LRP2: variants seen among roughly 807,000 people sequenced by gnomAD.
The protein encoded by LRP2 is low-density lipoprotein receptor-related protein 2.
Under a neutral mutation model 531.0 loss-of-function variants are expected in LRP2, and 172 were observed. That is an observed-to-expected ratio of 0.32 (90% CI 0.29 to 0.37). LRP2 has a LOEUF of 0.37. LRP2 is among the 10% of genes least tolerant of loss of function. The probability of loss-of-function intolerance (pLI) is 1.00; values close to 1 mark genes in which losing one functional copy is unlikely to be tolerated. For missense variants in LRP2, 5,167 were observed against 5,868.3 expected, an observed-to-expected ratio of 0.88 and a Z score of 3.90; for synonymous variants, 1,992 against 2,027.6, an observed-to-expected ratio of 0.98 and a Z score of 0.47.
intron 25 of LRP2, 89 bp from the exon 26 acceptor site, chr2:169,239,864 T>TGGG (rs1689741747): frequency 9.0e-7 from 1 of 1,116,758 alleles, no homozygotes; most frequent in African/African-American, 1.5e-5. Context: ...TTATGCAGTC[T>TGGG]CATGCCACCT....
chr2:169,186,790 A>T (rs1379816978), intron 49 of LRP2, among the ~76,000 whole-genome samples: 1 of 152,230 alleles, frequency 6.6e-6, no homozygotes, highest in Non-Finnish European at 1.5e-5. Context: ...ACCTACTGAG[A>T]TCACTTCGTC....
chr2:169,267,666 A>G (rs189246919), intron 16 of LRP2, among the ~76,000 whole-genome samples: 13 of 152,322 alleles, frequency 8.5e-5, no homozygotes, highest in African/African-American at 2.4e-4. Flanking sequence ...GAGATCTAAA[A>G]CTGACACCCT....
At chr2:169,239,882 G>C in intron 25 of LRP2, 107 bp from the exon 26 acceptor site, 1 of 964,752 alleles carries the variant, frequency 1.0e-6, no homozygotes, top group Non-Finnish European at 1.6e-6. Context: ...CCTTCAATAT[G>C]ATGCCCAGAC....
chr2:169,314,873 A>T (rs1398787299), intron 3 of LRP2, among the ~76,000 whole-genome samples: 1 of 152,208 alleles, frequency 6.6e-6, no homozygotes, highest in African/African-American at 2.4e-5. Flanking sequence ...TAATTTATTT[A>T]AGTATATATT....
chr2:169,228,939 T>C (rs1326714517), intron 31 of LRP2, among the ~76,000 whole-genome samples: 1 of 152,102 alleles, frequency 6.6e-6, no homozygotes, highest in Non-Finnish European at 1.5e-5. Context: ...AGCAAACGGG[T>C]AAAAATCAGA....
rs1282251185 is a variant in LRP2 at position 169,225,292 on chromosome 2, G to A, written c.5538+18C>T. The A allele has an allele frequency of 6.2e-7, 1 of 1,610,934 alleles. No individual in the cohort carries two copies. The highest frequency in any genetic ancestry group is 8.5e-7 in the Non-Finnish European group (1 of 1,177,464). On this transcript the variant is annotated intron_variant, in intron 33 of 78. Coordinates refer to ENST00000649046, the MANE Select transcript of LRP2 (RefSeq NM_004525.3). The stretch of plus-strand genomic sequence containing the variant: ...TCTAAATCCAATGTTTGTGTAAGTA[G>A]TATTATGGAATCATTACCTCGATTG...
At chr2:169,309,460 A>G (rs549267157) in intron 3 of LRP2, among the ~76,000 whole-genome samples, 82 of 152,162 alleles carry the variant, frequency 5.4e-4, no homozygotes, top group Non-Finnish European at 1.1e-3. Context: ...AGTTTTCCCA[A>G]CACCATGTAT....
intron 75 of LRP2, among the ~76,000 whole-genome samples, chr2:169,138,036 G>A (rs1353135471): frequency 1.3e-5 from 2 of 152,100 alleles, no homozygotes; most frequent in East Asian, 3.8e-4. Context: ...CTCCCAGGAG[G>A]TATTATTTTA....
At chr2:169,353,650 T>C (rs1685913696) in intron 1 of LRP2, among the ~76,000 whole-genome samples, 1 of 152,150 alleles carries the variant, frequency 6.6e-6, no homozygotes. Flanking sequence ...ATATTTCTGA[T>C]AAAATACTTT....
At chr2:169,157,573 A>G in intron 63 of LRP2, 71 bp from the exon 64 acceptor site, 2 of 1,565,734 alleles carry the variant, frequency 1.3e-6, no homozygotes, top group Non-Finnish European at 1.7e-6. Flanking sequence ...TATCAAAAGA[A>G]GCACCTACTC....
intron 76 of LRP2, among the ~76,000 whole-genome samples, chr2:169,134,379 T>C (rs1342432499): frequency 6.6e-6 from 1 of 152,172 alleles, no homozygotes; most frequent in Non-Finnish European, 1.5e-5. Context: ...TACCATTGTT[T>C]CTGGCCCAGA....
At position 169,199,422 on chromosome 2, in the gene LRP2, CAAT is replaced by C. The variant is rs1364836876; in HGVS notation, c.8453-514_8453-512del. ...AAGAGAGAGATGCTTATATTAAAAA[CAAT>C]AACAACAAAGAAAAGATAAACTAAC... On this transcript the variant is annotated intron_variant, in intron 44 of 78. Coordinates refer to ENST00000649046, the MANE Select transcript of LRP2 (RefSeq NM_004525.3). Among the ~76,000 whole-genome samples the C allele has an allele frequency of 3.9e-5, 6 of 152,098 alleles. No individual in the cohort carries two copies. The East Asian group carries it at 1.2e-3, about 29-fold the overall frequency.
At chr2:169,273,106 A>G (rs1382570327) in intron 14 of LRP2, 39 bp from the exon 15 acceptor site, 1 of 1,611,926 alleles carries the variant, frequency 6.2e-7, no homozygotes, top group Non-Finnish European at 8.5e-7. Flanking sequence ...TGCAATTAGA[A>G]ATGTGTAATT....
intron 9 of LRP2, among the ~76,000 whole-genome samples, chr2:169,287,559 C>A (rs899334466): frequency 6.6e-6 from 1 of 151,988 alleles, no homozygotes; most frequent in African/African-American, 2.4e-5. Context: ...AGCAGACTTT[C>A]TCAAGAATTT....
At chr2:169,157,970 T>C (rs1686402158) in intron 63 of LRP2, among the ~76,000 whole-genome samples, 3 of 132,862 alleles carry the variant, frequency 2.3e-5, no homozygotes, top group Admixed American at 2.2e-4. Context: ...AAGACATGGA[T>C]ACAGATAGGT....
intron 1 of LRP2, among the ~76,000 whole-genome samples, chr2:169,347,010 C>G (rs755565374): frequency 1.3e-5 from 2 of 152,124 alleles, no homozygotes; most frequent in Non-Finnish European, 2.9e-5. Flanking sequence ...GCATAATAAC[C>G]CTTTATTCCC....
chr2:169,247,589 A>G (rs1690061313), intron 19 of LRP2, 74 bp from the exon 20 acceptor site: 1 of 1,512,564 alleles, frequency 6.6e-7, no homozygotes, highest in Admixed American at 1.7e-5. Context: ...AGAAAATGCA[A>G]TAGGCTTGAA....
Position 169,256,206 on chromosome 2 carries a change from A to T in LRP2, c.2670T>A (p.Tyr890Ter). The T allele has an allele frequency of 6.2e-7, 1 of 1,612,994 alleles. No individual in the cohort carries two copies. Among genetic ancestry groups the T allele is most frequent in the Non-Finnish European group, 8.5e-7 (1 of 1,179,156 alleles). ...AASRLYWVDA[Y>*]FDKIEHSTFD... ...AGGTGCTGTGCTCAATTTTATCAAAATAGGCATCTACCCAGTACAATCGTG... is the reference window on the plus strand; with the variant it reads ...AGGTGCTGTGCTCAATTTTATCAAATTAGGCATCTACCCAGTACAATCGTG... The change falls in exon 19 of 79, where the codon TAT becomes TAA. Residue 890 changes from tyrosine to a stop codon, truncating the protein, a stop_gained. Coordinates refer to ENST00000649046, the MANE Select transcript of LRP2 (RefSeq NM_004525.3). LOFTEE classifies it high-confidence loss of function.
chr2:169,310,123 G>C (rs1684551153), intron 3 of LRP2, among the ~76,000 whole-genome samples: 3 of 152,140 alleles, frequency 2.0e-5, no homozygotes, highest in South Asian at 4.1e-4. Context: ...GAGATTTTGG[G>C]CTGAGACGAT....
Sources: allele counts gnomAD v4.1 joint callset (sites outside exome capture counted in the v4.1 genomes callset), GRCh38; gene constraint gnomAD v4.1.1; transcripts MANE v1.5; gene names NCBI Gene and HGNC (gene_info 2026-07-23, HGNC 2026-07-21).